Variants in ARHGAP9 observed in about 807,000 individuals in gnomAD.
ARHGAP9 encodes the protein Rho GTPase activating protein 9, also known as rho GTPase-activating protein 9.
ARHGAP9 carries 76 observed loss-of-function variants against 87.3 expected under a neutral mutation model. The ratio of observed to expected loss-of-function variants is 0.87; its 90% CI spans 0.72 to 1.05. The LOEUF (loss-of-function observed/expected upper bound fraction) is 1.05. Ranked by LOEUF, ARHGAP9 falls within the 50% of genes least tolerant of loss-of-function variation. The probability of loss-of-function intolerance (pLI) is 0.00; values close to 1 mark genes in which losing one functional copy is unlikely to be tolerated. For synonymous variants in ARHGAP9, 382 were observed against 394.9 expected, an observed-to-expected ratio of 0.97 and a Z score of 0.39; for missense variants, 941 against 960.5, an observed-to-expected ratio of 0.98 and a Z score of 0.27.
chr12:57,486,281 T>G (rs1344682892), intron 1 of ARHGAP9, among the ~76,000 whole-genome samples: 1 of 152,100 alleles, frequency 6.6e-6, no homozygotes, highest in Non-Finnish European at 1.5e-5. Context: ...TCAATTTTTT[T>G]TTTTTTGAGA....
In ARHGAP9 at chr12:57,472,365, A is replaced by C; in HGVS notation, c.*152T>G. 2 of 940,678 alleles carry C rather than the reference A, an allele frequency of 2.1e-6. No individual in the cohort carries two copies. The highest frequency in any genetic ancestry group is 3.0e-6 in the Non-Finnish European group (2 of 656,234). The allele number at this position is 940,678 out of a possible 1,614,324, so 58.3% of individuals were successfully genotyped here. A position where few individuals can be genotyped will look rare whatever the true frequency, so the allele number is the denominator to read the frequency against. On this transcript the variant is annotated 3_prime_UTR_variant, in exon 18 of 18. Coordinates refer to ENST00000393791, the MANE Select transcript of ARHGAP9 (RefSeq NM_032496.4). Reference sequence around the variant, plus strand: ...AATCCACTCACTTTCCTCTTTAGAGAAGCTCCCTCACCCATCCCAACACCT... The same window carrying C: ...AATCCACTCACTTTCCTCTTTAGAGCAGCTCCCTCACCCATCCCAACACCT...
At chr12:57,472,709 A>C in intron 17 of ARHGAP9, 21 bp from the exon 18 acceptor site, 1 of 1,613,862 alleles carries the variant, frequency 6.2e-7, no homozygotes, top group Non-Finnish European at 8.5e-7. Flanking sequence ...AGGCCAAGGA[A>C]GGGGATATAT....
chr12:57,472,454 G>C lies in ARHGAP9; in HGVS notation c.*63C>G, dbSNP rs1872139791. On this transcript the variant is annotated 3_prime_UTR_variant, in exon 18 of 18. Transcript: ENST00000393791. ...GATTTAAAGGGATATCCTCAAAACA[G>C]AACACCAGCCTCTCACCACCAGAGA... is the stretch of plus-strand genomic sequence containing the variant. The C allele has an allele frequency of 6.4e-7, 1 of 1,552,132 alleles. No individual in the cohort carries two copies. Among genetic ancestry groups the C allele is most frequent in the Non-Finnish European group, 8.7e-7 (1 of 1,147,402 alleles).
At chr12:57,475,675 G>A in intron 10 of ARHGAP9, 60 bp from the exon 11 acceptor site, 1 of 1,580,000 alleles carries the variant, frequency 6.3e-7, no homozygotes, top group South Asian at 1.2e-5. Flanking sequence ...ATCCCTAGCT[G>A]GACTCTGACC....
upstream of ARHGAP9, chr12:57,479,898 A>AT (rs1874842687): frequency 6.9e-6 from 10 of 1,448,350 alleles, no homozygotes; most frequent in South Asian, 1.3e-4. Flanking sequence ...TCTTTATTAA[A>AT]TTTATGCAAG....
chr12:57,473,338 G>A (rs970721070), intron 17 of ARHGAP9, among the ~76,000 whole-genome samples: 2 of 152,090 alleles, frequency 1.3e-5, no homozygotes, highest in Non-Finnish European at 1.5e-5. Context: ...ACTTGAACCC[G>A]GGAGGCAGAG....
Position 57,477,155 on chromosome 12 carries a change from CCTGTGGGT to C in ARHGAP9, c.863_870del (p.Asp288GlyfsTer13). The C allele has an allele frequency of 6.2e-7, 1 of 1,613,504 alleles. No individual in the cohort carries two copies. The highest frequency in any genetic ancestry group is 8.5e-7 in the Non-Finnish European group (1 of 1,179,646). ...TGACTGGGAGATGGGAGGGATCTCACCTGTGGGTCAAGCGGTTCTGGGGTCCCTGTGTC... is the reference window on the plus strand; with the variant it reads ...TGACTGGGAGATGGGAGGGATCTCACCAAGCGGTTCTGGGGTCCCTGTGTC... On this transcript the variant is annotated frameshift_variant and splice_region_variant, in exon 5 of 18. Transcript: ENST00000393791. LOFTEE classifies it high-confidence loss of function.
chr12:57,488,482 TCTC>T (rs1875640887), intron 1 of ARHGAP9: 10 of 1,318,710 alleles, frequency 7.6e-6, no homozygotes, highest in East Asian at 2.5e-5. Context: ...TTCCCAACCT[TCTC>T]CTACACCTAT....
In ARHGAP9 at chr12:57,476,462, G is replaced by A; in HGVS notation, c.1026-8C>T. On this transcript the variant is annotated splice_polypyrimidine_tract_variant and splice_region_variant and intron_variant, in intron 7 of 17. Transcript: ENST00000393791. ...GACGGGCCCCAGTTCTTCCTGCGGG[G>A]ACAGAGAGGGGAGGTAGTGGTAGCG... is the stretch of plus-strand genomic sequence containing the variant. 6.2e-7 allele frequency: 1 copy of A among 1,614,012 alleles called. No individual in the cohort carries two copies. Among genetic ancestry groups the A allele is most frequent in the Admixed American group, 1.7e-5 (1 of 60,024 alleles).
In ARHGAP9 at chr12:57,474,682, T is replaced by C. The variant is rs1412892457; in HGVS notation, c.1673A>G (p.Tyr558Cys). 1 of 1,614,000 alleles carries C rather than the reference T, an allele frequency of 6.2e-7. No individual in the cohort carries two copies. The highest frequency in any genetic ancestry group is 8.5e-7 in the Non-Finnish European group (1 of 1,180,038). ...DKRGLDVDGI[Y>C]RVSGNLAVVQ... ...CACTGCCAAGTTCCCGCTCACCCGA[T>C]AAATGCCATCCACATCTAGACCTGG... The change falls in exon 14 of 18, where the codon TAT (tyrosine) becomes TGT (cysteine). Residue 558 changes from tyrosine to cysteine, a missense_variant. By Grantham distance (194) the Tyr-to-Cys change is radical (BLOSUM62 -2). Coordinates refer to ENST00000393791, the MANE Select transcript of ARHGAP9 (RefSeq NM_032496.4).
chr12:57,486,126 C>T (rs895778469), intron 1 of ARHGAP9, among the ~76,000 whole-genome samples: 4 of 152,196 alleles, frequency 2.6e-5, no homozygotes, highest in East Asian at 1.9e-4. Flanking sequence ...GTGCTTAAAA[C>T]AGTGCCTAGC....
chr12:57,483,415 A>G (rs1483951378), upstream of ARHGAP9, among the ~76,000 whole-genome samples: 1 of 152,162 alleles, frequency 6.6e-6, no homozygotes, highest in Non-Finnish European at 1.5e-5. Flanking sequence ...CTCATTGCAT[A>G]TAGTTCTGCT....
At chr12:57,484,040 C>CA (rs746542310), upstream of ARHGAP9, 3,183 of 40,496 alleles carry the variant, frequency 0.079, 453 homozygotes, top group African/African-American at 0.23. Flanking sequence ...GACCCTGTCT[C>CA]AAAAAAAAAA....
At position 57,476,893 on chromosome 12, in the gene ARHGAP9, G is replaced by C. The variant is rs145403284; in HGVS notation, c.941C>G (p.Pro314Arg). 4.3e-6 allele frequency: 7 copies of C among 1,613,956 alleles called. No individual in the cohort carries two copies. The highest frequency in any genetic ancestry group is 4.5e-5 in the East Asian group (2 of 44,878). ...CACATGGGGGTCGTCCAGGAGCTGC[G>C]GCAGAGGTCGAGGGGCCTGCAAGGC... ...PPALQAPRPL[P>R]QLLDDPHEVE... Residue 314 changes from proline (P) to arginine (R), a missense_variant, in exon 6 of 18, where the codon CCG (proline) becomes CGG (arginine). Pro to Arg is a moderately radical substitution (Grantham distance 103, BLOSUM62 -2). Coordinates refer to ENST00000393791, the MANE Select transcript of ARHGAP9 (RefSeq NM_032496.4).
At chr12:57,476,816 G>A in intron 6 of ARHGAP9, 55 bp downstream of exon 6, 1 of 1,527,464 alleles carries the variant, frequency 6.5e-7, no homozygotes. Context: ...AGCAGGAAAA[G>A]GGGGGAGGGG....
At chr12:57,478,894 C>T in intron 2 of ARHGAP9, 137 bp from the exon 3 acceptor site, 1 of 1,105,556 alleles carries the variant, frequency 9.0e-7, no homozygotes, top group Non-Finnish European at 1.3e-6. Flanking sequence ...ACCTAGAAGC[C>T]TTAGGACTAG....
intron 1 of ARHGAP9, among the ~76,000 whole-genome samples, chr12:57,485,555 T>TG (rs1208748863): frequency 2.1e-3 from 17 of 8,262 alleles, no homozygotes; most frequent in Non-Finnish European, 1.0e-3. Flanking sequence ...AGACTCCATC[T>TG]GAAAAAAAAA....
chr12:57,474,438 C>T lies in ARHGAP9; in HGVS notation c.1768G>A (p.Glu590Lys), dbSNP rs1203401399. The T allele has an allele frequency of 6.2e-7, 1 of 1,614,162 alleles. No individual in the cohort carries two copies. Among genetic ancestry groups the T allele is most frequent in the Non-Finnish European group, 8.5e-7 (1 of 1,180,032 alleles). The change falls in exon 15 of 18, where the codon GAA (glutamate) becomes AAA (lysine). Residue 590 changes from glutamate (E) to lysine (K), a missense_variant. Glu to Lys is a moderately conservative substitution (Grantham distance 56, BLOSUM62 1). Coordinates refer to ENST00000393791, the MANE Select transcript of ARHGAP9 (RefSeq NM_032496.4). Reference protein sequence around the residue: ...VTSDGRYVFPEQPGQEGRLDL... With the variant: ...VTSDGRYVFPKQPGQEGRLDL... Reference sequence around the variant, plus strand: ...ATGTAAGTACCTTGTCCTGGCTGTTCTGGGAACACATACCTCCCATCGGAG... The same window carrying T: ...ATGTAAGTACCTTGTCCTGGCTGTTTTGGGAACACATACCTCCCATCGGAG...
upstream of ARHGAP9, chr12:57,480,648 G>A (rs1874915925): frequency 1.2e-6 from 1 of 840,146 alleles, no homozygotes; most frequent in East Asian, 2.7e-5. Flanking sequence ...CAGGAACAAT[G>A]GACAAGTAAT....
Sources: allele counts gnomAD v4.1 joint callset (sites outside exome capture counted in the v4.1 genomes callset), GRCh38; gene constraint gnomAD v4.1.1; transcripts MANE v1.5; gene names NCBI Gene and HGNC (gene_info 2026-07-23, HGNC 2026-07-21).